Variants in ROBO2 observed in about 807,000 individuals in gnomAD.
The protein encoded by ROBO2 is roundabout guidance receptor 2.
In ROBO2, 53 loss-of-function variants were observed where a neutral mutation model predicts 160.8. That is an observed-to-expected ratio of 0.33 (90% confidence interval 0.26 to 0.41). ROBO2 has a LOEUF of 0.41. ROBO2 is among the 10% of genes least tolerant of loss of function. The probability of loss-of-function intolerance (pLI) is 1.00; values close to 1 mark genes in which losing one functional copy is unlikely to be tolerated. For missense variants in ROBO2, 1,577 were observed against 1,722.4 expected (o/e 0.92, Z 1.49); for synonymous variants, 664 against 611.7 (o/e 1.09, Z -1.26).
intron 2 of ROBO2, among the ~76,000 whole-genome samples, chr3:76,269,334 A>G (rs1433198730): frequency 6.6e-6 from 1 of 152,006 alleles, no homozygotes; most frequent in Non-Finnish European, 1.5e-5. Flanking sequence ...ATAAATAAAC[A>G]CATGAAGCTT....
intron 2 of ROBO2, among the ~76,000 whole-genome samples, chr3:76,270,246 A>T (rs1707351421): frequency 6.6e-6 from 1 of 152,098 alleles, no homozygotes; most frequent in Admixed American, 6.6e-5. Flanking sequence ...AATATTTAAG[A>T]CAATCCAACA....
chr3:76,382,016 G>A (rs897109579), intron 2 of ROBO2, among the ~76,000 whole-genome samples: 1 of 152,074 alleles, frequency 6.6e-6, no homozygotes, highest in Non-Finnish European at 1.5e-5. Context: ...GTCTCACTCA[G>A]TTGCCCAGGC....
chr3:76,833,023 A>C (rs541092377), intron 2 of ROBO2, among the ~76,000 whole-genome samples: 2 of 152,312 alleles, frequency 1.3e-5, no homozygotes, highest in Non-Finnish European at 2.9e-5. Flanking sequence ...AGAAAAAATT[A>C]TATATAACAT....
At chr3:76,107,150 T>C (rs1366860090) in intron 2 of ROBO2, among the ~76,000 whole-genome samples, 1 of 152,168 alleles carries the variant, frequency 6.6e-6, no homozygotes, top group African/African-American at 2.4e-5. Context: ...ATCTCCAGTT[T>C]AGAGGAAGAA....
intron 2 of ROBO2, among the ~76,000 whole-genome samples, chr3:76,078,358 T>G (rs566208319): frequency 6.6e-6 from 1 of 152,266 alleles, no homozygotes; most frequent in African/African-American, 2.4e-5. Flanking sequence ...GCGATTTATT[T>G]ATTTATGTAT....
At chr3:75,998,901 C>T (rs1174072999) in intron 2 of ROBO2, among the ~76,000 whole-genome samples, 1 of 152,232 alleles carries the variant, frequency 6.6e-6, no homozygotes, top group Non-Finnish European at 1.5e-5. Flanking sequence ...CATACTCAGA[C>T]TTTAATTGTG....
intron 2 of ROBO2, among the ~76,000 whole-genome samples, chr3:77,149,260 C>T (rs2077366440): frequency 6.6e-6 from 1 of 152,068 alleles, no homozygotes; most frequent in African/African-American, 2.4e-5. Flanking sequence ...TGGTCTTAAA[C>T]TCCTGACCTC....
At chr3:76,103,279 T>C (rs1021093160) in intron 2 of ROBO2, among the ~76,000 whole-genome samples, 2 of 152,192 alleles carry the variant, frequency 1.3e-5, no homozygotes, top group Non-Finnish European at 1.5e-5. Flanking sequence ...TAAATAACTG[T>C]GTGCTTTCTT....
chr3:76,526,663 G>A (rs186254343), intron 2 of ROBO2, among the ~76,000 whole-genome samples: 63 of 151,992 alleles, frequency 4.1e-4, no homozygotes, highest in African/African-American at 1.4e-3. Context: ...TCCCAATGCA[G>A]GGTGGTAAAG....
chr3:77,509,420 G>A (rs1376578892), intron 5 of ROBO2, among the ~76,000 whole-genome samples: 1 of 152,044 alleles, frequency 6.6e-6, no homozygotes, highest in Non-Finnish European at 1.5e-5. Context: ...AAAGACAGGT[G>A]TGAGCAAGGA....
chr3:77,506,058 T>G (rs2088472787), intron 5 of ROBO2, among the ~76,000 whole-genome samples: 1 of 152,072 alleles, frequency 6.6e-6, no homozygotes, highest in African/African-American at 2.4e-5. Context: ...AAAAACATGC[T>G]CAAGGTCACA....
At chr3:75,985,657 A>G (rs1474965497) in intron 2 of ROBO2, among the ~76,000 whole-genome samples, 1 of 151,580 alleles carries the variant, frequency 6.6e-6, no homozygotes, top group East Asian at 1.9e-4. Flanking sequence ...TGCAATAATC[A>G]TCACCATCCA....
Position 76,682,695 on chromosome 3 carries a change from G to A in ROBO2, c.110-415319G>A, listed in dbSNP as rs1240090048. Among the ~76,000 whole-genome samples, 3 of 152,210 alleles carry A rather than the reference G, an allele frequency of 2.0e-5. No individual in the cohort carries two copies. In the South Asian group the frequency reaches 6.2e-4, roughly 32 times the overall value. ...TGCTGGGATTGAAGGCGTGAGCCAC[G>A]GTGCCCGGCCCAAAAATTTCTTTAA... is the stretch of plus-strand genomic sequence containing the variant. On this transcript the variant is annotated intron_variant, in intron 2 of 26. Transcript: ENST00000487694.
At chr3:76,584,778 C>T (rs1290735216) in intron 2 of ROBO2, among the ~76,000 whole-genome samples, 4 of 152,122 alleles carry the variant, frequency 2.6e-5, no homozygotes, top group Non-Finnish European at 5.9e-5. Flanking sequence ...ACCACCTGGC[C>T]TTGATAATAA....
intron 2 of ROBO2, among the ~76,000 whole-genome samples, chr3:76,982,481 A>G (rs1349716027): frequency 6.6e-6 from 1 of 152,190 alleles, no homozygotes; most frequent in Non-Finnish European, 1.5e-5. Flanking sequence ...ATACCTTTGT[A>G]GTAAATTTTG....
intron 2 of ROBO2, among the ~76,000 whole-genome samples, chr3:76,920,237 AT>A (rs2076574074): frequency 6.6e-6 from 1 of 152,174 alleles, no homozygotes; most frequent in African/African-American, 2.4e-5. Context: ...GAGAAAATAA[AT>A]GATACAATAT....
At chr3:76,394,285 T>C (rs2077308418) in intron 2 of ROBO2, among the ~76,000 whole-genome samples, 1 of 152,200 alleles carries the variant, frequency 6.6e-6, no homozygotes, top group Non-Finnish European at 1.5e-5. Context: ...TTTCCATGTT[T>C]AGTGCTTCCT....
At chr3:76,566,909 A>T (rs2218642) in intron 2 of ROBO2, among the ~76,000 whole-genome samples, 140,219 of 152,252 alleles carry the variant, frequency 0.92, 64,927 homozygotes, top group East Asian at 1. Context: ...TGTGGCACAC[A>T]GAGATTCCTC....
intron 2 of ROBO2, among the ~76,000 whole-genome samples, chr3:77,385,769 G>A (rs1246200239): frequency 6.6e-6 from 1 of 152,112 alleles, no homozygotes; most frequent in African/African-American, 2.4e-5. Flanking sequence ...GTAAGACATT[G>A]TATGTTTTCC....
Sources: gnomAD v4.1 joint callset for allele counts (sites outside exome capture counted in the v4.1 genomes callset) on GRCh38, gnomAD v4.1.1 for gene constraint, MANE v1.5 for transcripts, NCBI Gene and HGNC (gene_info 2026-07-23, HGNC 2026-07-21) for gene names.